Variants in RAD51B observed in about 807,000 individuals in gnomAD.
RAD51B encodes the protein RAD51 paralog B.
Under a neutral mutation model 42.2 loss-of-function variants are expected in RAD51B, and 38 were observed. The observed-to-expected ratio is 0.90, with a 90% CI of 0.70 to 1.18. The LOEUF is 1.18. RAD51B is among the 50% of genes most tolerant of loss of function. RAD51B has a pLI of 0.00. For synonymous variants in RAD51B, 154 were observed against 145.2 expected, an observed-to-expected ratio of 1.06 and a Z score of -0.43; for missense variants, 373 against 400.7, an observed-to-expected ratio of 0.93 and a Z score of 0.59.
chr14:68,109,862 A>G (rs1239372965), intron 7 of RAD51B, among the ~76,000 whole-genome samples: 1 of 152,036 alleles, frequency 6.6e-6, no homozygotes, highest in East Asian at 1.9e-4. Flanking sequence ...AATGCTAAGT[A>G]TCCCTACAGT....
intron 4 of RAD51B, among the ~76,000 whole-genome samples, chr14:67,836,610 T>G (rs1021530656): frequency 3.3e-5 from 5 of 151,700 alleles, no homozygotes; most frequent in African/African-American, 1.2e-4. Context: ...ATTGCAGGCA[T>G]GTATCACCAT....
At chr14:68,084,699 G>T (rs2076959067) in intron 7 of RAD51B, among the ~76,000 whole-genome samples, 1 of 152,206 alleles carries the variant, frequency 6.6e-6, no homozygotes, top group South Asian at 2.1e-4. Flanking sequence ...AATTTTTGAA[G>T]AAACAGCAAA....
At chr14:68,682,041 C>T (rs546839910) in intron 11 of RAD51B, among the ~76,000 whole-genome samples, 2 of 152,158 alleles carry the variant, frequency 1.3e-5, no homozygotes, top group African/African-American at 4.8e-5. Flanking sequence ...CACTCGTACC[C>T]CCAAAAATAT....
chr14:67,902,994 C>T (rs1006998972), intron 7 of RAD51B, among the ~76,000 whole-genome samples: 6 of 151,968 alleles, frequency 3.9e-5, no homozygotes, highest in African/African-American at 1.2e-4. Context: ...GGATTACAGG[C>T]TCCCACCACC....
At chr14:68,333,114 C>T (rs972748298) in intron 8 of RAD51B, among the ~76,000 whole-genome samples, 1 of 152,204 alleles carries the variant, frequency 6.6e-6, no homozygotes, top group Admixed American at 6.5e-5. Context: ...ATATACTGCT[C>T]TGCTACAGAG....
chr14:67,989,994 C>CTT (rs539586350), intron 7 of RAD51B, among the ~76,000 whole-genome samples: 245 of 118,274 alleles, frequency 2.1e-3, no homozygotes, highest in East Asian at 4.4e-3. Context: ...CTTTTAACAT[C>CTT]TTTTTTTTTT....
Position 68,284,790 on chromosome 14 carries a change from A to G in RAD51B, c.757-7094A>G, listed in dbSNP as rs377246823. Among the ~76,000 whole-genome samples the G allele has an allele frequency of 5.3e-5, 8 of 151,028 alleles. No homozygotes were observed. The East Asian group carries it at 1.2e-3, about 22-fold the overall frequency. On this transcript the variant is annotated intron_variant, in intron 7 of 10. Transcript: ENST00000471583. The stretch of plus-strand genomic sequence containing the variant: ...TTTTTTAATCGTGGAATGATTTTTG[A>G]TTTTCCAGAGCATGGCAAAACTAAG...
chr14:68,558,231 T>C (rs1173033846), intron 10 of RAD51B, among the ~76,000 whole-genome samples: 2 of 152,140 alleles, frequency 1.3e-5, no homozygotes, highest in East Asian at 3.9e-4. Context: ...TTGGAAGTAG[T>C]TGAATATCTC....
intron 7 of RAD51B, among the ~76,000 whole-genome samples, chr14:68,145,381 T>G (rs2078228228): frequency 6.6e-6 from 1 of 152,198 alleles, no homozygotes. Context: ...CGGGGTACAT[T>G]AGGCAAGGAA....
chr14:68,066,459 A>T (rs1370380369), intron 7 of RAD51B, among the ~76,000 whole-genome samples: 2 of 152,246 alleles, frequency 1.3e-5, no homozygotes, highest in Non-Finnish European at 2.9e-5. Context: ...ATTAGGGAGA[A>T]GATGGTTCAT....
chr14:68,569,571 T>C (rs536949350), intron 10 of RAD51B, among the ~76,000 whole-genome samples: 3 of 152,338 alleles, frequency 2.0e-5, no homozygotes, highest in East Asian at 3.9e-4. Flanking sequence ...AGAAAAGTCC[T>C]GAATAGCTGC....
At chr14:68,540,513 C>G in intron 10 of RAD51B, 1 of 985,152 alleles carries the variant, frequency 1.0e-6, no homozygotes, top group Non-Finnish European at 1.2e-6. Context: ...CCTCATTTCT[C>G]TAGGTAACAT....
intron 10 of RAD51B, among the ~76,000 whole-genome samples, chr14:68,616,603 G>A (rs1473757677): frequency 2.6e-5 from 4 of 152,160 alleles, no homozygotes; most frequent in African/African-American, 9.7e-5. Flanking sequence ...GGTTCATTGT[G>A]ATTCCTGGAT....
chr14:68,539,401 G>A (rs1002050150), intron 10 of RAD51B, among the ~76,000 whole-genome samples: 1 of 151,950 alleles, frequency 6.6e-6, no homozygotes, highest in Admixed American at 6.6e-5. Context: ...CCTCCAAGTC[G>A]CCAGCACTCC....
intron 8 of RAD51B, among the ~76,000 whole-genome samples, chr14:68,387,542 TCA>T (rs2083623673): frequency 1.3e-5 from 2 of 152,232 alleles, no homozygotes. Flanking sequence ...CAGGATGAAC[TCA>T]CAGGCATGTT....
At chr14:68,006,315 A>G (rs969018332) in intron 7 of RAD51B, among the ~76,000 whole-genome samples, 2 of 152,098 alleles carry the variant, frequency 1.3e-5, no homozygotes, top group Non-Finnish European at 2.9e-5. Flanking sequence ...GTATATTTTT[A>G]TTAGTTACTC....
At chr14:68,019,404 C>A (rs2140346190) in intron 7 of RAD51B, among the ~76,000 whole-genome samples, 1 of 152,206 alleles carries the variant, frequency 6.6e-6, no homozygotes, top group African/African-American at 2.4e-5. Flanking sequence ...TTTTTATGAT[C>A]ATGGTTGACA....
At chr14:68,559,629 C>T (rs899457665) in intron 10 of RAD51B, among the ~76,000 whole-genome samples, 37 of 152,206 alleles carry the variant, frequency 2.4e-4, no homozygotes, top group African/African-American at 8.7e-4. Flanking sequence ...ATCCACCTGC[C>T]TCAGCCTCCC....
At chr14:68,184,710 T>C (rs2079124988) in intron 7 of RAD51B, among the ~76,000 whole-genome samples, 1 of 151,686 alleles carries the variant, frequency 6.6e-6, no homozygotes, top group Non-Finnish European at 1.5e-5. Flanking sequence ...TTGACAACAA[T>C]TTTTATGCTG....
Sources: allele counts gnomAD v4.1 joint callset (sites outside exome capture counted in the v4.1 genomes callset), GRCh38; gene constraint gnomAD v4.1.1; transcripts MANE v1.5; gene names NCBI Gene and HGNC (gene_info 2026-07-23, HGNC 2026-07-21).